Variants in DCDC1 observed in about 807,000 individuals in gnomAD.
DCDC1 encodes the protein doublecortin domain-containing protein 1.
In DCDC1, 200 loss-of-function variants were observed where a neutral mutation model predicts 178.3. The ratio of observed to expected loss-of-function variants is 1.12; its 90% CI spans 1.00 to 1.26. DCDC1 has a LOEUF of 1.26. DCDC1 is among the 50% of genes most tolerant of loss of function. DCDC1 has a pLI of 0.00. For missense variants in DCDC1, 1,983 were observed against 1,749.2 expected (o/e 1.13, Z -2.38); for synonymous variants, 690 against 604.8 (o/e 1.14, Z -2.07).
chr11:31,356,046 G>A (rs1218460001), intron 1 of DCDC1, among the ~76,000 whole-genome samples: 1 of 152,058 alleles, frequency 6.6e-6, no homozygotes, highest in African/African-American at 2.4e-5. Context: ...AAACAAGTGA[G>A]TCACACTCTT....
chr11:31,103,832 C>A lies in DCDC1; in HGVS notation c.1752-63G>T, dbSNP rs189176056. 1.4e-5 allele frequency: 10 copies of A among 730,764 alleles called. No homozygotes were observed. The Admixed American group carries it at 1.5e-4, about 11-fold the overall frequency. The allele number at this position is 730,764 out of a possible 1,614,324, so 45.3% of individuals were successfully genotyped here. On this transcript the variant is annotated intron_variant, in intron 13 of 38. Transcript: ENST00000684477. ...TTAGACATACATTGTAATTTGAGCA[C>A]AAATAAACAATAAAATACACATTAT... is the stretch of plus-strand genomic sequence containing the variant.
chr11:30,941,101 T>C (rs1375188643), intron 21 of DCDC1, among the ~76,000 whole-genome samples: 1 of 152,200 alleles, frequency 6.6e-6, no homozygotes, highest in Non-Finnish European at 1.5e-5. Flanking sequence ...TATTAGACTA[T>C]ATCAAGGACC....
intron 20 of DCDC1, among the ~76,000 whole-genome samples, chr11:31,044,644 A>G (rs894518630): frequency 2.0e-5 from 3 of 152,122 alleles, no homozygotes; most frequent in Non-Finnish European, 4.4e-5. Context: ...ATAACTACGA[A>G]CAATTGAATT....
chr11:31,077,687 T>TA (rs998871884), intron 18 of DCDC1, among the ~76,000 whole-genome samples, 178 bp downstream of exon 18: 36 of 148,930 alleles, frequency 2.4e-4, no homozygotes, highest in African/African-American at 3.7e-4. Flanking sequence ...GTTTTAAAAT[T>TA]AAAAAAAAAA....
intron 38 of DCDC1, among the ~76,000 whole-genome samples, chr11:30,872,623 T>C (rs1446571359): frequency 6.6e-6 from 1 of 152,116 alleles, no homozygotes; most frequent in Non-Finnish European, 1.5e-5. Context: ...TTCCTGATTC[T>C]CACCTCTGCC....
chr11:30,875,770 T>A (rs661253), intron 38 of DCDC1, among the ~76,000 whole-genome samples: 1,757 of 152,244 alleles, frequency 0.012, 31 homozygotes, highest in African/African-American at 0.04. Context: ...TTAATTATGA[T>A]AAACAATCAA....
At chr11:31,321,475 C>G (rs527951212) in intron 3 of DCDC1, among the ~76,000 whole-genome samples, 4 of 152,160 alleles carry the variant, frequency 2.6e-5, no homozygotes, top group Admixed American at 2.0e-4. Context: ...TGACCCCTTG[C>G]GCTTCCCAGG....
rs188556485 is a variant in DCDC1 at position 31,213,669 on chromosome 11, G to A, written c.1221+27781C>T. ...CGGGAGATGGAGGTTGCAGTTAGCC[G>A]AGATCACGCCACTGCACTCCAGCTT... On this transcript the variant is annotated intron_variant, in intron 9 of 38. Transcript: ENST00000684477. 6.4e-4 allele frequency among the ~76,000 whole-genome samples: 97 copies of A among 151,170 alleles called. No individual in the cohort carries two copies. In the South Asian group the frequency reaches 8.6e-3, roughly 13 times the overall value.
intron 4 of DCDC1, among the ~76,000 whole-genome samples, chr11:31,307,145 T>G (rs1948514573): frequency 6.6e-6 from 1 of 152,172 alleles, no homozygotes; most frequent in African/African-American, 2.4e-5. Flanking sequence ...TATTCAAACA[T>G]TTGAAAATAG....
intron 15 of DCDC1, among the ~76,000 whole-genome samples, chr11:31,098,617 T>C (rs1409924947): frequency 6.6e-6 from 1 of 152,202 alleles, no homozygotes; most frequent in Non-Finnish European, 1.5e-5. Context: ...TCAACCCCTG[T>C]TGTAATCCTC....
At chr11:30,890,690 A>C (rs1943698043) in intron 36 of DCDC1, among the ~76,000 whole-genome samples, 1 of 152,210 alleles carries the variant, frequency 6.6e-6, no homozygotes, top group South Asian at 2.1e-4. Flanking sequence ...GTCTCCCATA[A>C]TATGGCCACC....
chr11:31,211,936 A>C (rs1972585647), intron 9 of DCDC1, among the ~76,000 whole-genome samples: 1 of 152,120 alleles, frequency 6.6e-6, no homozygotes, highest in African/African-American at 2.4e-5. Flanking sequence ...CAAAAAAATT[A>C]GCTGGGCATG....
At chr11:31,101,790 TCA>T (rs1352479215) in intron 15 of DCDC1, among the ~76,000 whole-genome samples, 1 of 151,866 alleles carries the variant, frequency 6.6e-6, no homozygotes, top group Non-Finnish European at 1.5e-5. Flanking sequence ...AAAAAAACTG[TCA>T]CAGTCCAGGC....
intron 20 of DCDC1, among the ~76,000 whole-genome samples, chr11:31,012,596 C>T (rs1952239560): frequency 6.7e-6 from 1 of 148,886 alleles, no homozygotes; most frequent in South Asian, 2.1e-4. Context: ...TACAGCAAGA[C>T]CCTGTCTCAA....
Position 31,305,610 on chromosome 11 carries a change from T to A in DCDC1, c.754+5A>T. On this transcript the variant is annotated splice_donor_5th_base_variant and intron_variant, in intron 6 of 38. Coordinates refer to ENST00000684477, the MANE Select transcript of DCDC1 (RefSeq NM_001387274.1). Reference sequence around the variant, plus strand: ...GGGGTAGGGTATTTTTTAGATCTTTTTTACCTTTAATTTTTTTGAATGGAT... The same window carrying A: ...GGGGTAGGGTATTTTTTAGATCTTTATTACCTTTAATTTTTTTGAATGGAT... The A allele has an allele frequency of 6.2e-7, 1 of 1,613,160 alleles. No individual in the cohort carries two copies. Among genetic ancestry groups the A allele is most frequent in the Non-Finnish European group, 8.5e-7 (1 of 1,179,468 alleles).
In DCDC1 at chr11:30,949,772, G is replaced by A. The variant is rs923375291; in HGVS notation, c.2715+2673C>T. ...ACAGAAGAACAGAAAACCAAACACCGTATGTTCTCACTCATAAGTGGGAGT... is the reference window on the plus strand; with the variant it reads ...ACAGAAGAACAGAAAACCAAACACCATATGTTCTCACTCATAAGTGGGAGT... On this transcript the variant is annotated intron_variant, in intron 21 of 38. Transcript: ENST00000684477. Among the ~76,000 whole-genome samples the A allele has an allele frequency of 7.6e-5, 11 of 145,470 alleles. No homozygotes were observed. In the East Asian group the frequency reaches 8.7e-4, roughly 11 times the overall value.
At chr11:31,080,381 T>A (rs1413897545) in intron 17 of DCDC1, among the ~76,000 whole-genome samples, 1 of 152,154 alleles carries the variant, frequency 6.6e-6, no homozygotes, top group East Asian at 1.9e-4. Context: ...AAGCTCAACA[T>A]CTCAATTAGA....
rs373426154 is a variant in DCDC1, at chr11:30,894,338, C to G, written c.4812G>C (p.Lys1604Asn). The G allele has an allele frequency of 6.8e-6, 11 of 1,613,776 alleles. No homozygotes were observed. In the African/African-American group the frequency reaches 1.5e-4, roughly 22 times the overall value. The change falls in exon 35 of 39, where the codon AAG becomes AAC. Residue 1604 changes from lysine (K) to asparagine (N), a missense_variant. By Grantham distance (94) the Lys-to-Asn change is moderately conservative (BLOSUM62 0). Transcript: ENST00000684477. ...ACQPATMVPTKSPVQPVVVEG... is the reference protein window; with the variant it reads ...ACQPATMVPTNSPVQPVVVEG... Reference sequence around the variant, plus strand: ...CAACCACCACGGGCTGCACAGGGCTCTTGGTAGGAACCATGGTGGCTGGCT... The same window carrying G: ...CAACCACCACGGGCTGCACAGGGCTGTTGGTAGGAACCATGGTGGCTGGCT...
chr11:30,962,074 A>G (rs1367380575), intron 20 of DCDC1, among the ~76,000 whole-genome samples: 1 of 152,096 alleles, frequency 6.6e-6, no homozygotes, highest in East Asian at 1.9e-4. Flanking sequence ...ACTGACAATG[A>G]ACATTAAAGA....
Sources: allele counts gnomAD v4.1 joint callset (sites outside exome capture counted in the v4.1 genomes callset), GRCh38; gene constraint gnomAD v4.1.1; transcripts MANE v1.5; gene names NCBI Gene and HGNC (gene_info 2026-07-23, HGNC 2026-07-21).